Variants in DLEC1 observed in about 807,000 individuals in gnomAD.
DLEC1 encodes the protein DLEC1 cilia and flagella associated protein.
Under a neutral mutation model 198.1 loss-of-function variants are expected in DLEC1, and 146 were observed. That is an observed-to-expected ratio of 0.74 (90% CI 0.64 to 0.85). DLEC1 has a LOEUF of 0.85. Among genes scored for constraint, DLEC1 ranks in the 40% least tolerant of loss-of-function variants. DLEC1 has a pLI of 0.00. For missense variants in DLEC1, 2,233 were observed against 2,220.0 expected, an observed-to-expected ratio of 1.01 and a Z score of -0.12; for synonymous variants, 897 against 866.8, an observed-to-expected ratio of 1.03 and a Z score of -0.61.
In DLEC1 at chr3:38,062,600, A is replaced by G. The variant is rs774051964; in HGVS notation, c.893A>G (p.Asn298Ser). The change falls in exon 5 of 37, where the codon AAT becomes AGT. Residue 298 changes from asparagine to serine, a missense_variant. Asn to Ser is a conservative substitution (Grantham distance 46, BLOSUM62 1). Coordinates refer to ENST00000308059, the MANE Select transcript of DLEC1 (RefSeq NM_007335.4). ...EPLKKASQPR[N>S]KNWMNHLRVP... ...TCAAAGAAAGCAAGTCAACCAAGGA[A>G]TAAAAACTGGATGAACCACTTACGT... 2 of 1,614,222 alleles carry G rather than the reference A, an allele frequency of 1.2e-6. No homozygotes were observed. The highest frequency in any genetic ancestry group is 1.1e-5 in the South Asian group (1 of 91,086).
At chr3:38,059,948 G>T in intron 3 of DLEC1, 96 bp downstream of exon 3, 2 of 1,009,060 alleles carry the variant, frequency 2.0e-6, no homozygotes, top group Non-Finnish European at 3.0e-6. Context: ...TTGCTCAGAG[G>T]TTTTTTTCAC....
In DLEC1 at chr3:38,096,644, C is replaced by T. The variant is rs1699036827; in HGVS notation, c.2247C>T (p.Gly749=). Residue 749 remains glycine, a synonymous_variant, in exon 15 of 37, where the codon GGC becomes GGT. Transcript: ENST00000308059. ...TTGTCCTGGAAATCGAGGTGAAAGG[C>T]TCAGTAGAACCTTTCCAGGTTCTCT... ...DVIVLEIEVK[G]SVEPFQVLLE... is the part of the protein sequence containing the mutation. The T allele has an allele frequency of 6.2e-6, 10 of 1,613,024 alleles. No homozygotes were observed. The highest frequency in any genetic ancestry group is 8.5e-6 in the Non-Finnish European group (10 of 1,179,996).
chr3:38,111,727 T>C lies in DLEC1; in HGVS notation c.3494T>C (p.Leu1165Pro). The change falls in exon 24 of 37, where the codon CTG becomes CCG. Residue 1165 changes from leucine (L) to proline (P), a missense_variant. By Grantham distance (98) the Leu-to-Pro change is moderately conservative. Coordinates refer to ENST00000308059, the MANE Select transcript of DLEC1 (RefSeq NM_007335.4). ...AAGACAGTGCGGATGCAAGAGCACC[T>C]GGCCAAGCGAGAGCAGCTGGGTAAG... is the stretch of plus-strand genomic sequence containing the variant. ...LLKTVRMQEH[L>P]AKREQLDFME... 2 of 1,612,938 alleles carry C rather than the reference T, an allele frequency of 1.2e-6. No individual in the cohort carries two copies. The highest frequency in any genetic ancestry group is 1.7e-6 in the Non-Finnish European group (2 of 1,179,772).
In DLEC1 at chr3:38,107,730, G is replaced by C. The variant is rs1699641546; in HGVS notation, c.3011G>C (p.Trp1004Ser). ...NGTLLPTQFH[W>S]GKLLGHQAEF... ...ACGCTCCTGCCTACCCAGTTCCACT[G>C]GGGCAAGGTGAGTGAGCCCACAGCA... The change falls in exon 20 of 37, where the codon TGG (tryptophan) becomes TCG (serine). Residue 1004 changes from tryptophan to serine, a missense_variant. Transcript: ENST00000308059. 6.2e-7 allele frequency: 1 copy of C among 1,613,656 alleles called. No homozygotes were observed. Among genetic ancestry groups the C allele is most frequent in the African/African-American group, 1.3e-5 (1 of 75,028 alleles).
chr3:38,097,903 G>A lies in DLEC1; in HGVS notation c.2724+1G>A, dbSNP rs943089897. 1.9e-6 allele frequency: 3 copies of A among 1,614,098 alleles called. No homozygotes were observed. The highest frequency in any genetic ancestry group is 1.6e-4 in the Middle Eastern group (1 of 6,084). On this transcript the variant is annotated splice_donor_variant, in intron 18 of 36. Transcript: ENST00000308059. LOFTEE classifies it high-confidence loss of function. ...CTCCCTCCAGGAAAGGCCTGAGGAT[G>A]TAAGTCAGGCACTGCTGGTTCCTCT...
In DLEC1 at chr3:38,122,944, A is replaced by C; in HGVS notation, c.*532A>C. On this transcript the variant is annotated 3_prime_UTR_variant, in exon 37 of 37. Coordinates refer to ENST00000308059, the MANE Select transcript of DLEC1 (RefSeq NM_007335.4). ...CCTTGATCTGTCCACTGCCACCACC[A>C]CCAGTGCTGAGTTTTCCCATGTGGT... 1 of 1,182,240 alleles carries C rather than the reference A, an allele frequency of 8.5e-7. No homozygotes were observed. Among genetic ancestry groups the C allele is most frequent in the South Asian group, 1.3e-5 (1 of 79,410 alleles). The allele number at this position is 1,182,240 out of a possible 1,614,324, so 73.2% of individuals were successfully genotyped here. A position where few individuals can be genotyped will look rare whatever the true frequency, so the allele number is the denominator to read the frequency against.
At position 38,106,711 on chromosome 3, in the gene DLEC1, G is replaced by A. The variant is rs983439728; in HGVS notation, c.2865-873G>A. 7.5e-5 allele frequency among the ~76,000 whole-genome samples: 10 copies of A among 134,046 alleles called. No homozygotes were observed. In the South Asian group the frequency reaches 1.4e-3, roughly 19 times the overall value. 87.9% of individuals were successfully genotyped at this position (134,046 alleles called of 152,430 possible). On this transcript the variant is annotated intron_variant, in intron 19 of 36. Transcript: ENST00000308059. ...GCAGAGGTTGCAGTGAGCCAAGATCGCACCACTGCACCCCAGCCTGGGTGA... is the reference window on the plus strand; with the variant it reads ...GCAGAGGTTGCAGTGAGCCAAGATCACACCACTGCACCCCAGCCTGGGTGA...
At chr3:38,121,308 G>C (rs1700446594) in intron 34 of DLEC1, among the ~76,000 whole-genome samples, 1 of 152,228 alleles carries the variant, frequency 6.6e-6, no homozygotes, top group African/African-American at 2.4e-5. Context: ...GGAGCTGAGG[G>C]CTGGGCCTTG....
chr3:38,085,665 T>G (rs1375056422), intron 8 of DLEC1, among the ~76,000 whole-genome samples: 1 of 152,080 alleles, frequency 6.6e-6, no homozygotes, highest in Non-Finnish European at 1.5e-5. Flanking sequence ...CAGTGGAGGT[T>G]GACTCACAGC....
chr3:38,089,240 T>C (rs1022371445), intron 10 of DLEC1, among the ~76,000 whole-genome samples: 12 of 152,192 alleles, frequency 7.9e-5, no homozygotes, highest in Non-Finnish European at 1.8e-4. Context: ...CTGAGAGACC[T>C]GGAAACAACA....
chr3:38,103,202 C>G (rs868094717), intron 19 of DLEC1: 1 of 152,352 alleles, frequency 6.6e-6, no homozygotes, highest in African/African-American at 2.4e-5. Flanking sequence ...CATATGTACA[C>G]GTTTTTAGCA....
intron 6 of DLEC1, among the ~76,000 whole-genome samples, chr3:38,082,043 G>A (rs1442971219): frequency 7.6e-6 from 1 of 132,354 alleles, no homozygotes; most frequent in Non-Finnish European, 1.6e-5. Context: ...CTCAGACGGG[G>A]TGGTTGCCAG....
chr3:38,084,127 G>A (rs1414497047), intron 6 of DLEC1, 31 bp from the exon 7 acceptor site: 2 of 1,604,030 alleles, frequency 1.2e-6, no homozygotes, highest in Non-Finnish European at 1.7e-6. Flanking sequence ...AAGTGTTGCT[G>A]TCTAAAAGAG....
rs753678928 is a variant in DLEC1 at position 38,112,220 on chromosome 3, G to A, written c.3525G>A (p.Glu1175=). 5.0e-6 allele frequency: 8 copies of A among 1,614,186 alleles called. No individual in the cohort carries two copies. The highest frequency in any genetic ancestry group is 3.3e-5 in the South Asian group (3 of 91,080). Residue 1175 remains glutamate (E), a synonymous_variant, in exon 25 of 37, where the codon GAG becomes GAA. Transcript: ENST00000308059. This position sits in a 1 kb window ranked among gnomAD's most constrained non-coding sequence, Gnocchi z 4.8. The part of the protein sequence containing the change: ...LAKREQLDFM[E]SMLSHGKGAA... ...GCGGTTCTTTCCCAGATTTTATGGA[G>A]AGCATGCTATCCCACGGGAAAGGAG...
intron 7 of DLEC1, 91 bp from the exon 8 acceptor site, chr3:38,085,183 C>T (rs1369758073): frequency 2.1e-6 from 3 of 1,433,452 alleles, no homozygotes; most frequent in African/African-American, 1.4e-5. Context: ...CAGAGCCAGC[C>T]CTGGCAGGGC....
In DLEC1 at chr3:38,107,647, G is replaced by A. The variant is rs759099721; in HGVS notation, c.2928G>A (p.Glu976=). Residue 976 remains glutamate (E), a synonymous_variant, in exon 20 of 37, where the codon GAG becomes GAA. Transcript: ENST00000308059. ...TGTACCTACAGAGCAGCCAGGTGGA[G>A]GTTAGAAATCTCTACCTGGGTGTGC... ...PHVYLQSSQV[E]VRNLYLGVPT... 4 of 1,614,156 alleles carry A rather than the reference G, an allele frequency of 2.5e-6. No homozygotes were observed. The South Asian group carries it at 3.3e-5, about 13-fold the overall frequency.
chr3:38,089,897 G>C (rs1168321118), intron 10 of DLEC1, among the ~76,000 whole-genome samples: 1 of 152,212 alleles, frequency 6.6e-6, no homozygotes, highest in African/African-American at 2.4e-5. Flanking sequence ...TCAAAAGAGA[G>C]ACTGGGTGCA....
In DLEC1 at chr3:38,048,132, T is replaced by A. The variant is rs557808731; in HGVS notation, c.562+2439T>A. ...AGAGCCTTTTCCAGTTGACTGCTGA[T>A]TCATTTGACAATCAGCTGTCTTTGA... On this transcript the variant is annotated intron_variant, in intron 2 of 36. Transcript: ENST00000308059. 3.9e-5 allele frequency among the ~76,000 whole-genome samples: 6 copies of A among 152,340 alleles called. No individual in the cohort carries two copies. The East Asian group carries it at 1.2e-3, about 29-fold the overall frequency.
rs538678462 is a variant in DLEC1, at chr3:38,121,680, G to C, written c.4919G>C (p.Ser1640Thr). Residue 1640 changes from serine to threonine, a missense_variant, in exon 35 of 37, where the codon AGC (serine) becomes ACC (threonine). Physicochemically the swap from Ser to Thr is moderately conservative, Grantham distance 58. Transcript: ENST00000308059. ...GTGCCTGAGCTGCAGCTCTCCACCAGCTGGGTGGACTTTGGGACCTGCTTT... is the reference window on the plus strand; with the variant it reads ...GTGCCTGAGCTGCAGCTCTCCACCACCTGGGTGGACTTTGGGACCTGCTTT... Reference protein sequence around the residue: ...VAVPELQLSTSWVDFGTCFVS... With the variant: ...VAVPELQLSTTWVDFGTCFVS... The C allele has an allele frequency of 2.5e-6, 4 of 1,613,988 alleles. No homozygotes were observed. In the East Asian group the frequency reaches 8.9e-5, roughly 36 times the overall value.
Sources: allele counts gnomAD v4.1 joint callset (sites outside exome capture counted in the v4.1 genomes callset), GRCh38; gene constraint gnomAD v4.1.1; non-coding constraint Gnocchi (gnomAD v3.1); transcripts MANE v1.5; gene names NCBI Gene and HGNC (gene_info 2026-07-23, HGNC 2026-07-21).